The following DDX60L variants were observed in gnomAD, a reference collection of about 807,000 sequenced individuals.
The protein encoded by DDX60L is probable ATP-dependent RNA helicase DDX60-like.
DDX60L carries 191 observed loss-of-function variants against 211.6 expected under a neutral mutation model. The ratio of observed to expected loss-of-function variants is 0.90; its 90% confidence interval spans 0.80 to 1.02. DDX60L has a LOEUF of 1.02. Among genes scored for constraint, DDX60L ranks in the 50% least tolerant of loss-of-function variants. DDX60L has a pLI of 0.00. For synonymous variants in DDX60L, 706 were observed against 694.1 expected (o/e 1.02, Z -0.27); for missense variants, 2,007 against 1,984.1 (o/e 1.01, Z -0.22).
intron 10 of DDX60L, among the ~76,000 whole-genome samples, 156 bp downstream of exon 10, chr4:168,441,181 C>T (rs1457831330): frequency 6.6e-6 from 1 of 152,076 alleles, no homozygotes; most frequent in East Asian, 1.9e-4. Flanking sequence ...ACTTTAACCA[C>T]ATTATTATAT....
Position 168,415,460 on chromosome 4 carries a change from T to C in DDX60L, c.2927A>G (p.Asp976Gly), listed in dbSNP as rs745439257. 3.7e-6 allele frequency: 6 copies of C among 1,607,940 alleles called. No homozygotes were observed. In the South Asian group the frequency reaches 4.4e-5, roughly 12 times the overall value. Residue 976 changes from aspartate (D) to glycine (G), a missense_variant, in exon 22 of 38, where the codon GAT (aspartate) becomes GGT (glycine). By Grantham distance (94) the Asp-to-Gly change is moderately conservative. Transcript: ENST00000682922. The part of the protein sequence containing the change: ...LEKHICSVKH[D>G]DVYFDHFHPC... ...ATGAAAATGATCAAAATAAACATCA[T>C]CATGTTTTACTGAACATATATGCTT...
intron 14 of DDX60L, among the ~76,000 whole-genome samples, chr4:168,426,029 C>T (rs373735742): frequency 2.6e-5 from 4 of 152,242 alleles, no homozygotes; most frequent in East Asian, 3.9e-4. Context: ...ACTTAGAATG[C>T]TAGGCAGGCA....
At chr4:168,387,102 GC>G (rs916576589) in intron 29 of DDX60L, among the ~76,000 whole-genome samples, 24 of 152,176 alleles carry the variant, frequency 1.6e-4, no homozygotes, top group African/African-American at 5.3e-4. Context: ...TATGCCCCTG[GC>G]CAACAGACAG....
intron 4 of DDX60L, chr4:168,468,806 T>C (rs1014165286): frequency 6.6e-6 from 1 of 152,214 alleles, no homozygotes; most frequent in African/African-American, 2.4e-5. Flanking sequence ...CAAAAATCAA[T>C]TCTACTTCTA....
At chr4:168,414,857 C>T (rs1749272419) in intron 22 of DDX60L, among the ~76,000 whole-genome samples, 1 of 149,978 alleles carries the variant, frequency 6.7e-6, no homozygotes, top group Non-Finnish European at 1.5e-5. Flanking sequence ...TTACCAGAGG[C>T]TAGCAAAGAC....
At chr4:168,431,653 GTAAC>G (rs1254637219) in intron 12 of DDX60L, among the ~76,000 whole-genome samples, 1 of 151,842 alleles carries the variant, frequency 6.6e-6, no homozygotes, top group African/African-American at 2.4e-5. Flanking sequence ...GTATACATAT[GTAAC>G]TAACCTGCAC....
chr4:168,432,315 AAT>A (rs1752480305), intron 12 of DDX60L, 138 bp downstream of exon 12: 1 of 203,860 alleles, frequency 4.9e-6, no homozygotes, highest in African/African-American at 2.4e-5. Context: ...TCTCATTCAA[AAT>A]ATATATTATA....
intron 34 of DDX60L, 89 bp from the exon 35 acceptor site, chr4:168,373,897 G>A: frequency 7.6e-7 from 1 of 1,308,372 alleles, no homozygotes; most frequent in Non-Finnish European, 1.1e-6. Context: ...AGCCACAGTA[G>A]GTGACATTCA....
chr4:168,368,824 C>T (rs1740445541), intron 36 of DDX60L, among the ~76,000 whole-genome samples: 1 of 152,240 alleles, frequency 6.6e-6, no homozygotes, highest in African/African-American at 2.4e-5. Context: ...TTTGACTGCC[C>T]TGCTGGATTT....
intron 20 of DDX60L, among the ~76,000 whole-genome samples, chr4:168,416,120 C>A (rs1269577890): frequency 6.6e-6 from 1 of 152,166 alleles, no homozygotes; most frequent in Non-Finnish European, 1.5e-5. Flanking sequence ...CTGCCATCGT[C>A]GCTGTTACCA....
chr4:168,445,663 T>A (rs1354345719), intron 9 of DDX60L, among the ~76,000 whole-genome samples: 1 of 151,708 alleles, frequency 6.6e-6, no homozygotes, highest in Non-Finnish European at 1.5e-5. Flanking sequence ...CAGCAGCACA[T>A]CCAAAAGCTT....
intron 30 of DDX60L, among the ~76,000 whole-genome samples, chr4:168,381,070 C>A (rs1039888580): frequency 1.3e-5 from 2 of 152,176 alleles, no homozygotes; most frequent in Non-Finnish European, 2.9e-5. Flanking sequence ...TTCTATCAAC[C>A]TATGCGCATA....
At position 168,360,224 on chromosome 4, in the gene DDX60L, C is replaced by T. The variant is rs757235322; in HGVS notation, c.4991+925G>A. 1.6e-4 allele frequency among the ~76,000 whole-genome samples: 25 copies of T among 152,238 alleles called. 1 individual carries two copies. Among genetic ancestry groups the T allele is most frequent in the Admixed American group, 3.3e-4 (5 of 15,290 alleles). ...GAAGAGTGCCTCTAACACAGTAAGA[C>T]CTTGATACTTTTATAATTGATAAAT... On this transcript the variant is annotated intron_variant, in intron 37 of 37. Coordinates refer to ENST00000682922, the MANE Select transcript of DDX60L (RefSeq NM_001012967.3).
Position 168,400,943 on chromosome 4 carries a change from C to G in DDX60L, c.3374G>C (p.Ser1125Thr), listed in dbSNP as rs2149775669. The stretch of plus-strand genomic sequence containing the variant: ...TGTCTTCTCCAGAAAAGTGCACACA[C>G]TTCCAGCTCTTTTTCCCACATCATC... ...KNDDVGKRAG[S>T]VCTFLEKTET... is the part of the protein sequence containing the mutation. Residue 1125 changes from serine (S) to threonine (T), a missense_variant, in exon 26 of 38, where the codon AGT becomes ACT. Transcript: ENST00000682922. 6.2e-7 allele frequency: 1 copy of G among 1,613,894 alleles called. No homozygotes were observed. The highest frequency in any genetic ancestry group is 1.3e-5 in the African/African-American group (1 of 75,066).
intron 37 of DDX60L, 110 bp downstream of exon 37, chr4:168,361,039 T>C: frequency 1.2e-6 from 1 of 801,868 alleles, no homozygotes; most frequent in Non-Finnish European, 2.1e-6. Context: ...CTCAATAGTA[T>C]CTTCAGAGTG....
In DDX60L at chr4:168,379,737, G is replaced by A. The variant is rs201759136; in HGVS notation, c.4210C>T (p.Leu1404Phe). The A allele has an allele frequency of 1.9e-6, 3 of 1,612,270 alleles. No individual in the cohort carries two copies. The highest frequency in any genetic ancestry group is 1.3e-5 in the African/African-American group (1 of 74,982). The change falls in exon 31 of 38, where the codon CTT becomes TTT. Residue 1404 changes from leucine to phenylalanine, a missense_variant. Coordinates refer to ENST00000682922, the MANE Select transcript of DDX60L (RefSeq NM_001012967.3). The stretch of plus-strand genomic sequence containing the variant: ...AAGCACGATGATACCTCTTTGATAA[G>A]GAGCTGCAAGGAAAACAAAAAGTAA... Reference protein sequence around the residue: ...KLYFLFSLQLLIKEDYLNKKG... With the variant: ...KLYFLFSLQLFIKEDYLNKKG...
chr4:168,465,251 G>A (rs949057561), intron 4 of DDX60L, among the ~76,000 whole-genome samples: 1 of 151,662 alleles, frequency 6.6e-6, no homozygotes, highest in Non-Finnish European at 1.5e-5. Context: ...TAATAATGTT[G>A]ACTATGCTTT....
chr4:168,382,900 T>A (rs916108898), intron 30 of DDX60L, among the ~76,000 whole-genome samples: 1 of 152,188 alleles, frequency 6.6e-6, no homozygotes, highest in African/African-American at 2.4e-5. Context: ...GACCTGAGAC[T>A]ACAAACAATA....
At chr4:168,460,221 AT>A (rs1331602787) in intron 5 of DDX60L, among the ~76,000 whole-genome samples, 1 of 152,218 alleles carries the variant, frequency 6.6e-6, no homozygotes, top group East Asian at 1.9e-4. Context: ...TTATTAATAT[AT>A]TTTTTGACTC....
Sources: allele counts gnomAD v4.1 joint callset (sites outside exome capture counted in the v4.1 genomes callset), GRCh38; gene constraint gnomAD v4.1.1; transcripts MANE v1.5; gene names NCBI Gene and HGNC (gene_info 2026-07-23, HGNC 2026-07-21).